The following HPX variants were observed in gnomAD, a reference collection of about 807,000 sequenced individuals.
HPX encodes hemopexin.
In HPX, 42 loss-of-function variants were observed where a neutral mutation model predicts 53.8. That is an observed-to-expected ratio of 0.78 (90% CI 0.61 to 1.01). HPX has a LOEUF of 1.01. Among genes scored for constraint, HPX ranks in the 50% least tolerant of loss-of-function variants. The pLI is 0.00. For synonymous variants in HPX, 229 were observed against 221.1 expected, an observed-to-expected ratio of 1.04 and a Z score of -0.32; for missense variants, 547 against 594.3, an observed-to-expected ratio of 0.92 and a Z score of 0.83.
intron 4 of HPX, chr11:6,439,606 G>A (rs900342826): frequency 1.7e-5 from 3 of 180,400 alleles, no homozygotes; most frequent in Non-Finnish European, 3.6e-5. Context: ...TAGGGAACTG[G>A]TTGAGATAGA....
intron 7 of HPX, 141 bp downstream of exon 7, chr11:6,436,904 TG>T: frequency 1.1e-6 from 1 of 883,686 alleles, no homozygotes; most frequent in East Asian, 2.4e-5. Context: ...AGATGAGGGA[TG>T]CAGAAGGGCA....
rs71056749 is a variant in HPX, at chr11:6,440,567, T to TAAAAAAAA, written c.143-37_143-30dup. On this transcript the variant is annotated intron_variant, in intron 2 of 9. Transcript: ENST00000265983. ...GGGTGGAGGTAGGGAGATGGCAAAG[T>TAAAAAAAA]AAAAAAAAAAAAAAAAAAAAAAAAA... The TAAAAAAAA allele has an allele frequency of 9.3e-5, 55 of 591,158 alleles. 1 individual carries two copies. The highest frequency in any genetic ancestry group is 5.2e-4 in the African/African-American group (16 of 30,642). 36.6% of individuals were successfully genotyped at this position (591,158 alleles called of 1,614,324 possible). A position where few individuals can be genotyped will look rare whatever the true frequency, so the allele number is the denominator to read the frequency against.
chr11:6,432,203 C>G, intron 7 of HPX, 186 bp from the exon 8 acceptor site: 1 of 642,540 alleles, frequency 1.6e-6, no homozygotes, highest in Non-Finnish European at 2.7e-6. Context: ...TGTGCCCTGG[C>G]TGAAACTGGA....
At position 6,440,896 on chromosome 11, in the gene HPX, G is replaced by A; in HGVS notation, c.68C>T (p.Ala23Val). ...LWSLCWSLAI[A>V]TPLPPTSAHG... is the part of the protein sequence containing the mutation. ...CTTTACTCACGGAGGAAGAGGGGTG[G>A]CAATGGCCAGAGACCAGCATAGGCT... is the stretch of plus-strand genomic sequence containing the variant. Residue 23 changes from alanine to valine, a missense_variant, in exon 1 of 10, where the codon GCC (alanine) becomes GTC (valine). By Grantham distance (64) the Ala-to-Val change is moderately conservative. Transcript: ENST00000265983. 1 of 1,613,084 alleles carries A rather than the reference G, an allele frequency of 6.2e-7. No individual in the cohort carries two copies. Among genetic ancestry groups the A allele is most frequent in the Non-Finnish European group, 8.5e-7 (1 of 1,179,478 alleles).
In HPX at chr11:6,437,434, T is replaced by C. The variant is rs760490129; in HGVS notation, c.703+6A>G. The stretch of plus-strand genomic sequence containing the variant: ...TGACAGGTCTCAAGTGCTAGGGCTT[T>C]CTCACCTCTGCCAGGGCAGGGCATG... On this transcript the variant is annotated splice_donor_region_variant and intron_variant, in intron 6 of 9. Transcript: ENST00000265983. 1.9e-6 allele frequency: 3 copies of C among 1,612,174 alleles called. No homozygotes were observed. Among genetic ancestry groups the C allele is most frequent in the Non-Finnish European group, 8.5e-7 (1 of 1,179,180 alleles).
At chr11:6,435,772 A>G (rs1849408576) in intron 7 of HPX, among the ~76,000 whole-genome samples, 1 of 152,198 alleles carries the variant, frequency 6.6e-6, no homozygotes, top group African/African-American at 2.4e-5. Context: ...TTTTTAATAT[A>G]AGGTGTTCTC....
intron 6 of HPX, 114 bp from the exon 7 acceptor site, chr11:6,437,291 A>C (rs554317656): frequency 1.4e-6 from 2 of 1,402,778 alleles, no homozygotes; most frequent in Non-Finnish European, 2.0e-6. Context: ...ATATGAGGGC[A>C]ATGGGAAAAT....
At chr11:6,435,038 G>T (rs996478240) in intron 7 of HPX, among the ~76,000 whole-genome samples, 15 of 152,200 alleles carry the variant, frequency 9.9e-5, no homozygotes, top group Admixed American at 8.5e-4. Flanking sequence ...AGACCAGCCT[G>T]GCCAACATGG....
chr11:6,432,906 G>A (rs1849367914), intron 7 of HPX, among the ~76,000 whole-genome samples: 1 of 152,128 alleles, frequency 6.6e-6, no homozygotes, highest in African/African-American at 2.4e-5. Context: ...ATATGCTGAT[G>A]ACTTCCAATC....
At chr11:6,438,230 A>G (rs987173751) in intron 5 of HPX, 126 bp downstream of exon 5, 5 of 987,252 alleles carry the variant, frequency 5.1e-6, no homozygotes, top group Non-Finnish European at 7.7e-6. Context: ...TGGCTTCTCT[A>G]TTTCCCTTCC....
chr11:6,440,308 G>T (rs754661096), intron 3 of HPX, 22 bp from the exon 4 acceptor site: 1 of 1,613,470 alleles, frequency 6.2e-7, no homozygotes, highest in South Asian at 1.1e-5. Context: ...CACACTCACT[G>T]AGGGGCCCAG....
chr11:6,437,012 A>G, intron 7 of HPX, 34 bp downstream of exon 7: 3 of 1,609,470 alleles, frequency 1.9e-6, no homozygotes, highest in Non-Finnish European at 1.7e-6. Context: ...AAGAGATGTG[A>G]GAGCACATTG....
intron 5 of HPX, 43 bp from the exon 6 acceptor site, chr11:6,437,695 C>A (rs779399098): frequency 6.5e-7 from 1 of 1,529,040 alleles, no homozygotes; most frequent in Admixed American, 1.7e-5. Context: ...GACCGGGTTA[C>A]GCCCTCCTTT....
rs907155300 is a variant in HPX, at chr11:6,437,054, G to T, written c.827C>A (p.Ala276Asp). 3.7e-6 allele frequency: 6 copies of T among 1,614,108 alleles called. No individual in the cohort carries two copies. The highest frequency in any genetic ancestry group is 2.2e-5 in the South Asian group (2 of 91,082). ...TTGGGGGCATCTCTCACCACTGAAG[G>T]CATAGGTGGCACCATGGTTGTCAGA... ...LTSDNHGATY[A>D]FSGTHYWRLD... The change falls in exon 7 of 10, where the codon GCC becomes GAC. Residue 276 changes from alanine (A) to aspartate (D), a missense_variant. Ala to Asp is a moderately radical substitution (Grantham distance 126). Coordinates refer to ENST00000265983, the MANE Select transcript of HPX (RefSeq NM_000613.3).
chr11:6,436,348 T>C (rs1849416356), intron 7 of HPX, among the ~76,000 whole-genome samples: 1 of 152,234 alleles, frequency 6.6e-6, no homozygotes, highest in South Asian at 2.1e-4. Flanking sequence ...CTCTTGGGGA[T>C]ATTCTCAACT....
Position 6,431,330 on chromosome 11 carries a change from C to T in HPX, c.1270G>A (p.Gly424Ser), listed in dbSNP as rs201159600. Reference sequence around the variant, plus strand: ...TTGGGACCATGGATGAGGTACAAGCCGGGACCATTGGCGGAACATGAGTTA... The same window carrying T: ...TTGGGACCATGGATGAGGTACAAGCTGGGACCATTGGCGGAACATGAGTTA... ...GPNSCSANGP[G>S]LYLIHGPNLY... The change falls in exon 10 of 10, where the codon GGC becomes AGC. Residue 424 changes from glycine (G) to serine (S), a missense_variant. Coordinates refer to ENST00000265983, the MANE Select transcript of HPX (RefSeq NM_000613.3). 3.2e-5 allele frequency: 52 copies of T among 1,614,236 alleles called. No homozygotes were observed. The highest frequency in any genetic ancestry group is 2.4e-4 in the South Asian group (22 of 91,086).
intron 3 of HPX, 35 bp from the exon 4 acceptor site, chr11:6,440,321 A>G: frequency 6.2e-7 from 1 of 1,613,052 alleles, no homozygotes; most frequent in Admixed American, 1.7e-5. Flanking sequence ...GGGCCCAGTG[A>G]GAAACCTTTG....
chr11:6,438,581 T>TTA, intron 4 of HPX, 72 bp from the exon 5 acceptor site: 1 of 1,362,860 alleles, frequency 7.3e-7, no homozygotes, highest in Non-Finnish European at 1.0e-6. Flanking sequence ...CACACATTTT[T>TTA]TATCTACTGT....
rs755581984 is a variant in HPX, at chr11:6,438,500, C to T, written c.346G>A (p.Val116Ile). 5 of 1,613,906 alleles carry T rather than the reference C, an allele frequency of 3.1e-6. No individual in the cohort carries two copies. The highest frequency in any genetic ancestry group is 3.3e-5 in the Admixed American group (2 of 59,998). The change falls in exon 5 of 10, where the codon GTC becomes ATC. Residue 116 changes from valine (V) to isoleucine (I), a missense_variant. By Grantham distance (29) the Val-to-Ile change is conservative. Coordinates refer to ENST00000265983, the MANE Select transcript of HPX (RefSeq NM_000613.3). ...NSVFLIKGDK[V>I]WVYPPEKKEK... Reference sequence around the variant, plus strand: ...TTCTTTTCAGGAGGGTATACCCAGACTTTGTCCCCCTGCATTCAAAAGTAC... The same window carrying T: ...TTCTTTTCAGGAGGGTATACCCAGATTTTGTCCCCCTGCATTCAAAAGTAC...
Sources: allele counts gnomAD v4.1 joint callset (sites outside exome capture counted in the v4.1 genomes callset), GRCh38; gene constraint gnomAD v4.1.1; transcripts MANE v1.5; gene names NCBI Gene and HGNC (gene_info 2026-07-23, HGNC 2026-07-21).